MCTP1: variants seen among roughly 807,000 people sequenced by gnomAD.
MCTP1 encodes the protein multiple C2 and transmembrane domain containing 1, also known as multiple C2 and transmembrane domain-containing protein 1.
In MCTP1, 69 loss-of-function variants were observed where a neutral mutation model predicts 120.6. The observed-to-expected ratio is 0.57, with a 90% confidence interval of 0.47 to 0.70. MCTP1 has a LOEUF of 0.70. MCTP1 is among the 30% of genes least tolerant of loss of function. The probability of loss-of-function intolerance (pLI) is 0.00; values close to 1 mark genes in which losing one functional copy is unlikely to be tolerated. For synonymous variants in MCTP1, 529 were observed against 493.1 expected (o/e 1.07, Z -0.96); for missense variants, 1,203 against 1,248.8 (o/e 0.96, Z 0.55).
At chr5:95,006,266 C>T (rs1834726673) in intron 2 of MCTP1, among the ~76,000 whole-genome samples, 1 of 151,508 alleles carries the variant, frequency 6.6e-6, no homozygotes, top group Admixed American at 6.6e-5. Flanking sequence ...CACACATACA[C>T]ATAAACACAT....
intron 19 of MCTP1, among the ~76,000 whole-genome samples, chr5:94,762,842 C>T (rs991499957): frequency 7.2e-5 from 11 of 152,188 alleles, no homozygotes; most frequent in African/African-American, 2.7e-4. Flanking sequence ...TACTTCTCCA[C>T]TAGCCAGGTT....
chr5:94,728,488 T>C (rs966766904), intron 19 of MCTP1, among the ~76,000 whole-genome samples: 3 of 152,200 alleles, frequency 2.0e-5, no homozygotes, highest in Non-Finnish European at 2.9e-5. Flanking sequence ...TGATGTACTT[T>C]CCTGGGCCTG....
At chr5:95,250,359 T>C (rs1353969552) in intron 1 of MCTP1, among the ~76,000 whole-genome samples, 2 of 152,284 alleles carry the variant, frequency 1.3e-5, no homozygotes, top group African/African-American at 4.8e-5. Context: ...TATTGTTATG[T>C]CAGGAATCAT....
At chr5:95,089,697 T>C (rs1755701180) in intron 1 of MCTP1, among the ~76,000 whole-genome samples, 1 of 152,186 alleles carries the variant, frequency 6.6e-6, no homozygotes. Flanking sequence ...TTTAAGTCCT[T>C]AATCTGCTGT....
intron 4 of MCTP1, among the ~76,000 whole-genome samples, chr5:94,940,525 C>T (rs1817342269): frequency 6.8e-6 from 1 of 146,736 alleles, no homozygotes; most frequent in African/African-American, 2.5e-5. Flanking sequence ...TACATATACA[C>T]AAGTGTGTGT....
At chr5:94,805,001 C>A (rs556775173) in intron 17 of MCTP1, among the ~76,000 whole-genome samples, 1 of 151,844 alleles carries the variant, frequency 6.6e-6, no homozygotes, top group Admixed American at 6.6e-5. Context: ...AGTAAATGGC[C>A]GAAACATTAA....
chr5:94,827,219 C>T lies in MCTP1; in HGVS notation c.2437-28087G>A, dbSNP rs181262467. ...TCTGTAAAGGATTTTATTTCTTCTTCACTTATGAAGCTAAGTTTGGCTGGA... is the reference window on the plus strand; with the variant it reads ...TCTGTAAAGGATTTTATTTCTTCTTTACTTATGAAGCTAAGTTTGGCTGGA... On this transcript the variant is annotated intron_variant, in intron 17 of 22. Transcript: ENST00000515393. Among the ~76,000 whole-genome samples, 385 of 152,244 alleles carry T rather than the reference C, an allele frequency of 2.5e-3. 1 individual carries two copies. The highest frequency in any genetic ancestry group is 6.8e-3 in the Middle Eastern group (2 of 294).
chr5:94,834,810 CTCTTTTT>C (rs1296701641), intron 17 of MCTP1, among the ~76,000 whole-genome samples: 13 of 125,760 alleles, frequency 1.0e-4, no homozygotes, highest in Admixed American at 8.6e-4. Context: ...ATAACATTCT[CTCTTTTT>C]TTTTTTTTTT....
At chr5:94,959,373 C>T (rs1210539085) in intron 2 of MCTP1, among the ~76,000 whole-genome samples, 1 of 152,138 alleles carries the variant, frequency 6.6e-6, no homozygotes, top group Admixed American at 6.5e-5. Flanking sequence ...GACAAGGATG[C>T]CCTCTCTCAC....
chr5:95,001,646 G>A (rs1020890859), intron 2 of MCTP1, among the ~76,000 whole-genome samples: 10 of 152,206 alleles, frequency 6.6e-5, no homozygotes, highest in African/African-American at 2.2e-4. Context: ...CTTGAGATCT[G>A]TGGAATTTTG....
At chr5:95,246,614 A>C (rs1756819007) in intron 1 of MCTP1, among the ~76,000 whole-genome samples, 2 of 152,348 alleles carry the variant, frequency 1.3e-5, no homozygotes, top group South Asian at 2.1e-4. Flanking sequence ...AGAGCTAACT[A>C]TCCTAAATAT....
At chr5:95,201,494 T>G (rs1189343555) in intron 1 of MCTP1, among the ~76,000 whole-genome samples, 642 of 39,672 alleles carry the variant, frequency 0.016, 126 homozygotes, top group South Asian at 0.061. Flanking sequence ...TTTTTTTTTT[T>G]TTTTTTTTTT....
rs751458643 is a variant in MCTP1 at position 95,284,095 on chromosome 5, A to C, written c.481T>G (p.Ser161Ala). The C allele has an allele frequency of 5.8e-5, 90 of 1,550,388 alleles. No individual in the cohort carries two copies. The highest frequency in any genetic ancestry group is 7.8e-5 in the Non-Finnish European group (90 of 1,146,902). The change falls in exon 1 of 23, where the codon TCC becomes GCC. Residue 161 changes from serine to alanine, a missense_variant. Physicochemically the swap from Ser to Ala is moderately conservative, Grantham distance 99 (BLOSUM62 1). Around this residue, in one of 2 missense-constraint regions of MCTP1, gnomAD observed 463 missense variants for 377.8 expected, o/e 1.23. Transcript: ENST00000515393. The surrounding 1 kb of genome is among the most constrained non-coding windows in gnomAD (Gnocchi z 5.2). ...RSPDSAPSSS[S>A]ASSSLSSSPQ... ...GAGGAGGACAGGGAGGATGAGGCGG[A>C]GGAAGAGGAAGGAGCTGAGTCGGGG...
At chr5:94,925,258 G>T (rs1307143933) in intron 6 of MCTP1, among the ~76,000 whole-genome samples, 1 of 152,186 alleles carries the variant, frequency 6.6e-6, no homozygotes, top group South Asian at 2.1e-4. Context: ...GTCCTAAACA[G>T]AAGTGGTGAT....
intron 1 of MCTP1, among the ~76,000 whole-genome samples, chr5:95,228,652 T>C (rs1754568470): frequency 6.6e-6 from 1 of 152,172 alleles, no homozygotes; most frequent in African/African-American, 2.4e-5. Context: ...TAATCCCCAA[T>C]GTTGGAGGTA....
At chr5:94,755,614 T>C (rs1473312468) in intron 19 of MCTP1, among the ~76,000 whole-genome samples, 2 of 152,236 alleles carry the variant, frequency 1.3e-5, no homozygotes, top group Non-Finnish European at 2.9e-5. Context: ...ATTCTAGCGA[T>C]ATATTTCTTA....
chr5:94,773,903 G>A (rs13187030), intron 19 of MCTP1, among the ~76,000 whole-genome samples: 17 of 151,906 alleles, frequency 1.1e-4, no homozygotes, highest in Non-Finnish European at 1.9e-4. Context: ...GTGCGGACAC[G>A]GCCAAATCAT....
chr5:94,816,618 C>A (rs542248943), intron 17 of MCTP1, among the ~76,000 whole-genome samples: 1 of 152,112 alleles, frequency 6.6e-6, no homozygotes, highest in African/African-American at 2.4e-5. Context: ...TCCCCTTTAT[C>A]AACTTCAATT....
chr5:95,212,719 C>G (rs1229094113), intron 1 of MCTP1, among the ~76,000 whole-genome samples: 1 of 151,890 alleles, frequency 6.6e-6, no homozygotes, highest in Non-Finnish European at 1.5e-5. Context: ...ATACACAAAT[C>G]AATAAATGTA....
Sources: gnomAD v4.1 joint callset for allele counts (sites outside exome capture counted in the v4.1 genomes callset) on GRCh38, gnomAD v4.1.1 for gene constraint, gnomAD v4.1.1 regional missense constraint, Gnocchi (gnomAD v3.1) non-coding constraint, MANE v1.5 for transcripts, NCBI Gene and HGNC (gene_info 2026-07-23, HGNC 2026-07-21) for gene names.